Variants in EML6 observed in about 807,000 individuals in gnomAD.
The protein encoded by EML6 is EMAP like 6.
A neutral mutation model predicts 240.1 loss-of-function variants in EML6; 154 were observed. The ratio of observed to expected loss-of-function variants is 0.64; its 90% CI spans 0.56 to 0.73. The LOEUF is 0.73. Among genes scored for constraint, EML6 ranks in the 30% least tolerant of loss-of-function variants. EML6 has a pLI of 0.00. For missense variants in EML6, 2,964 were observed against 2,474.6 expected (o/e 1.20, Z -4.20); for synonymous variants, 1,148 against 899.0 (o/e 1.28, Z -4.95).
intron 2 of EML6, among the ~76,000 whole-genome samples, chr2:54,738,318 T>G (rs564506783): frequency 6.6e-6 from 1 of 152,194 alleles, no homozygotes; most frequent in Non-Finnish European, 1.5e-5. Context: ...CCCTTAGAAT[T>G]TCTGCTTAGA....
intron 2 of EML6, among the ~76,000 whole-genome samples, chr2:54,753,662 G>GTT (rs59382484): frequency 1.5e-4 from 20 of 133,792 alleles, no homozygotes; most frequent in Middle Eastern, 3.9e-3. Context: ...GCAGTCCTGA[G>GTT]TTTTTTTTTT....
At chr2:54,894,888 T>A in intron 19 of EML6, 27 bp from the exon 20 acceptor site, 1 of 1,496,470 alleles carries the variant, frequency 6.7e-7, no homozygotes. Flanking sequence ...GATGTGTATA[T>A]AATACCTCTC....
At chr2:54,922,572 T>G (rs1674315323) in intron 26 of EML6, among the ~76,000 whole-genome samples, 1 of 150,002 alleles carries the variant, frequency 6.7e-6, no homozygotes, top group Admixed American at 6.6e-5. Context: ...ATCAGTATCT[T>G]GAAGAGATAT....
intron 17 of EML6, among the ~76,000 whole-genome samples, chr2:54,885,690 C>T (rs1002586304): frequency 6.6e-6 from 1 of 152,116 alleles, no homozygotes; most frequent in Non-Finnish European, 1.5e-5. Context: ...CGGCTCACTG[C>T]AAGCTCCACC....
Position 54,966,885 on chromosome 2 carries a change from G to A in EML6, c.5494-115G>A, listed in dbSNP as rs1429138701. ...GCAGCCTGGAGCTGAGCTTGGGTTT[G>A]GAGAAAAGCCCTAGGGATGCAGAGG... On this transcript the variant is annotated intron_variant, in intron 38 of 41. Transcript: ENST00000356458. 10 of 639,230 alleles carry A rather than the reference G, an allele frequency of 1.6e-5. No individual in the cohort carries two copies. The Admixed American group carries it at 2.9e-4, about 18-fold the overall frequency. The allele number at this position is 639,230 out of a possible 1,614,324, so 39.6% of individuals were successfully genotyped here. A position where few individuals can be genotyped will look rare whatever the true frequency, so the allele number is the denominator to read the frequency against.
chr2:54,743,906 A>G (rs1175695587), intron 2 of EML6, among the ~76,000 whole-genome samples: 4 of 152,114 alleles, frequency 2.6e-5, no homozygotes. Flanking sequence ...CCCCTGAACT[A>G]GAGAATAGAG....
intron 2 of EML6, among the ~76,000 whole-genome samples, chr2:54,761,561 G>A (rs965749799): frequency 6.6e-6 from 1 of 152,204 alleles, no homozygotes; most frequent in East Asian, 1.9e-4. Context: ...GGACATTTAT[G>A]AATCACATTG....
At position 54,960,293 on chromosome 2, in the gene EML6, G is replaced by C; in HGVS notation, c.4927G>C (p.Gly1643Arg). The change falls in exon 35 of 42, where the codon GGG becomes CGG. Residue 1643 changes from glycine (G) to arginine (R), a missense_variant. By Grantham distance (125) the Gly-to-Arg change is moderately radical. Transcript: ENST00000356458. Reference sequence around the variant, plus strand: ...CTGCCGGGCCTTTCAGCTGGAGACCGGGCAGCTGGTGGAGTGTGTGCGCTC... The same window carrying C: ...CTGCCGGGCCTTTCAGCTGGAGACCCGGCAGCTGGTGGAGTGTGTGCGCTC... ...KRCRAFQLET[G>R]QLVECVRSVC... 1 of 1,551,266 alleles carries C rather than the reference G, an allele frequency of 6.4e-7. No homozygotes were observed. Among genetic ancestry groups the C allele is most frequent in the Non-Finnish European group, 8.7e-7 (1 of 1,146,880 alleles).
At chr2:54,795,885 G>C (rs1257413621) in intron 2 of EML6, among the ~76,000 whole-genome samples, 3 of 152,128 alleles carry the variant, frequency 2.0e-5, no homozygotes, top group East Asian at 1.9e-4. Context: ...TACTCATTCA[G>C]CTTAAAAAGC....
At chr2:54,756,376 C>T (rs1667732729) in intron 2 of EML6, among the ~76,000 whole-genome samples, 1 of 152,064 alleles carries the variant, frequency 6.6e-6, no homozygotes, top group Non-Finnish European at 1.5e-5. Flanking sequence ...TCACTTTGTC[C>T]AACACAGAGT....
chr2:54,733,156 C>G (rs954062369), intron 2 of EML6, among the ~76,000 whole-genome samples: 3 of 152,316 alleles, frequency 2.0e-5, no homozygotes, highest in South Asian at 2.1e-4. Context: ...GAGCAGCAGG[C>G]CAGCCTACCT....
At chr2:54,734,805 A>T (rs2103616537) in intron 2 of EML6, among the ~76,000 whole-genome samples, 2 of 152,328 alleles carry the variant, frequency 1.3e-5, no homozygotes, top group African/African-American at 4.8e-5. Flanking sequence ...TGATTTAGTG[A>T]GTGTAGCTAT....
chr2:54,912,153 A>G (rs951900670), intron 25 of EML6, among the ~76,000 whole-genome samples: 4 of 152,246 alleles, frequency 2.6e-5, no homozygotes, highest in African/African-American at 9.6e-5. Context: ...CATTGTTTGT[A>G]AAGGAAGTAT....
intron 2 of EML6, among the ~76,000 whole-genome samples, chr2:54,780,455 A>G (rs1668803439): frequency 6.6e-6 from 1 of 152,178 alleles, no homozygotes; most frequent in Middle Eastern, 3.2e-3. Flanking sequence ...TTCTTTGCAC[A>G]TGCTTGCTTT....
intron 33 of EML6, 41 bp downstream of exon 33, chr2:54,958,039 C>G: frequency 6.6e-7 from 1 of 1,511,680 alleles, no homozygotes; most frequent in Non-Finnish European, 8.9e-7. Flanking sequence ...GGACCCAGAC[C>G]CCCTGGGCAT....
chr2:54,823,850 TTCTC>T (rs147852134), intron 5 of EML6, among the ~76,000 whole-genome samples: 24 of 72,274 alleles, frequency 3.3e-4, no homozygotes, highest in African/African-American at 9.2e-4. Flanking sequence ...CATTCATTCA[TTCTC>T]TCTCTCTCTC....
intron 25 of EML6, among the ~76,000 whole-genome samples, chr2:54,915,264 C>G (rs1673852034): frequency 6.6e-6 from 1 of 152,166 alleles, no homozygotes; most frequent in Non-Finnish European, 1.5e-5. Flanking sequence ...GTTGGGGTGT[C>G]TGCCAGGGGA....
chr2:54,922,629 T>A (rs979736144), intron 26 of EML6, among the ~76,000 whole-genome samples: 1 of 152,176 alleles, frequency 6.6e-6, no homozygotes, highest in Non-Finnish European at 1.5e-5. Context: ...AGCCAAGATA[T>A]GGAAACAACT....
chr2:54,954,404 G>C (rs1010131112), intron 32 of EML6, among the ~76,000 whole-genome samples: 2 of 152,166 alleles, frequency 1.3e-5, no homozygotes, highest in Non-Finnish European at 2.9e-5. Context: ...GGGCTCTGAG[G>C]AGGTTCCCCG....
Sources: allele counts gnomAD v4.1 joint callset (sites outside exome capture counted in the v4.1 genomes callset), GRCh38; gene constraint gnomAD v4.1.1; transcripts MANE v1.5; gene names NCBI Gene and HGNC (gene_info 2026-07-23, HGNC 2026-07-21).